Variants in TJP3 observed in about 807,000 individuals in gnomAD.
The protein encoded by TJP3 is tight junction protein ZO-3.
Under a neutral mutation model 104.2 loss-of-function variants are expected in TJP3, and 85 were observed. The observed-to-expected ratio is 0.82, with a 90% CI of 0.68 to 0.98. The LOEUF is 0.98. Ranked by LOEUF, TJP3 falls within the 50% of genes least tolerant of loss-of-function variation. The probability of loss-of-function intolerance (pLI) is 0.00; values close to 1 mark genes in which losing one functional copy is unlikely to be tolerated. For missense variants in TJP3, 1,367 were observed against 1,322.8 expected (o/e 1.03, Z -0.52); for synonymous variants, 550 against 550.6 (o/e 1.00, Z 0.02).
At chr19:3,718,244 TGTGTGTGTGTGTCTG>T (rs2036507294) in intron 1 of TJP3, among the ~76,000 whole-genome samples, 1 of 92,038 alleles carries the variant, frequency 1.1e-5, no homozygotes, top group Admixed American at 1.4e-4. Context: ...TGTGTGTGTG[TGTGTGTGTGTGTCTG>T]TGTGTGTGTA....
At chr19:3,713,990 G>T (rs1034761967) in intron 1 of TJP3, among the ~76,000 whole-genome samples, 3 of 151,010 alleles carry the variant, frequency 2.0e-5, no homozygotes, top group African/African-American at 7.3e-5. Flanking sequence ...CTCCCAAAGT[G>T]CTGGGATTAC....
rs572949101 is a variant in TJP3, at chr19:3,712,085, G to A, written c.-10+3524G>A. Among the ~76,000 whole-genome samples the A allele has an allele frequency of 1.7e-4, 26 of 152,200 alleles. No individual in the cohort carries two copies. In the East Asian group the frequency reaches 2.9e-3, roughly 17 times the overall value. ...AATCCCAGCATTTTGGGAGGCCAAG[G>A]CAGGTGGGTCACTTGAGCCCAGGAG... On this transcript the variant is annotated intron_variant, in intron 1 of 20. Coordinates refer to ENST00000541714, the MANE Select transcript of TJP3 (RefSeq NM_001267560.2).
At chr19:3,736,735 C>T (rs959359360) in intron 11 of TJP3, among the ~76,000 whole-genome samples, 5 of 151,910 alleles carry the variant, frequency 3.3e-5, no homozygotes, top group East Asian at 1.9e-4. Context: ...CCACCACGCC[C>T]GGCTAATTTT....
intron 1 of TJP3, among the ~76,000 whole-genome samples, chr19:3,717,114 T>G (rs186493656): frequency 0.011 from 1,604 of 146,518 alleles, 64 homozygotes; most frequent in African/African-American, 0.035. Flanking sequence ...TACAGGCATG[T>G]GCCACCACAC....
At position 3,750,480 on chromosome 19, in the gene TJP3, T is replaced by G. The variant is rs1236751358; in HGVS notation, c.2658-102T>G. 5.9e-6 allele frequency: 6 copies of G among 1,022,302 alleles called. No homozygotes were observed. The East Asian group carries it at 1.6e-4, about 27-fold the overall frequency. 63.3% of individuals were successfully genotyped at this position (1,022,302 alleles called of 1,614,324 possible). A position where few individuals can be genotyped will look rare whatever the true frequency, so the allele number is the denominator to read the frequency against. Reference sequence around the variant, plus strand: ...CCATGAATGCCCAGATGTGCTTATCTCTGCCCACACCCACTGTGCCTAGCA... The same window carrying G: ...CCATGAATGCCCAGATGTGCTTATCGCTGCCCACACCCACTGTGCCTAGCA... On this transcript the variant is annotated intron_variant, in intron 20 of 20. Coordinates refer to ENST00000541714, the MANE Select transcript of TJP3 (RefSeq NM_001267560.2).
chr19:3,724,352 C>T (rs973045478), intron 1 of TJP3, among the ~76,000 whole-genome samples: 11 of 152,164 alleles, frequency 7.2e-5, no homozygotes, highest in East Asian at 5.8e-4. Flanking sequence ...CCGGCCACCA[C>T]GCCCTGCTAA....
At position 3,745,604 on chromosome 19, in the gene TJP3, TA is replaced by T. The variant is rs1170549205; in HGVS notation, c.1940-406del. Reference sequence around the variant, plus strand: ...CTCCTCTCAGGTCCTAGAAGACAGATAGGGGCAAGAGTGGAGTTTCCTGTGG... The same window carrying T: ...CTCCTCTCAGGTCCTAGAAGACAGATGGGGCAAGAGTGGAGTTTCCTGTGG... On this transcript the variant is annotated intron_variant, in intron 15 of 20. Transcript: ENST00000541714. 2.0e-5 allele frequency among the ~76,000 whole-genome samples: 3 copies of T among 152,276 alleles called. No homozygotes were observed. In the East Asian group the frequency reaches 5.8e-4, roughly 29 times the overall value.
chr19:3,743,328 C>T (rs1240447916), intron 14 of TJP3, among the ~76,000 whole-genome samples: 1 of 152,014 alleles, frequency 6.6e-6, no homozygotes, highest in Non-Finnish European at 1.5e-5. Context: ...TTGCAAAGAC[C>T]CTGGGCTACC....
chr19:3,750,383 G>A (rs901689848), intron 20 of TJP3, among the ~76,000 whole-genome samples, 199 bp downstream of exon 20: 1 of 152,118 alleles, frequency 6.6e-6, no homozygotes, highest in African/African-American at 2.4e-5. Context: ...GGCCTAGGAA[G>A]GCTTCTTGAA....
At chr19:3,723,807 AAAT>A (rs1223611461) in intron 1 of TJP3, among the ~76,000 whole-genome samples, 1,703 of 92,794 alleles carry the variant, frequency 0.018, 10 homozygotes, top group Middle Eastern at 0.048. Flanking sequence ...GAAAAAAAAA[AAAT>A]ATATATATAT....
At chr19:3,722,471 G>A (rs1010372114) in intron 1 of TJP3, among the ~76,000 whole-genome samples, 1 of 151,422 alleles carries the variant, frequency 6.6e-6, no homozygotes, top group Non-Finnish European at 1.5e-5. Context: ...CTGCACGAGG[G>A]AGCACCAGCA....
At chr19:3,750,259 A>T in intron 20 of TJP3, 75 bp downstream of exon 20, 1 of 1,589,958 alleles carries the variant, frequency 6.3e-7, no homozygotes, top group Non-Finnish European at 8.6e-7. Flanking sequence ...TCAGATCTAG[A>T]TCCAAGCTAT....
rs1310813081 is a variant in TJP3, at chr19:3,733,632, G to A, written c.718-121G>A. On this transcript the variant is annotated intron_variant, in intron 6 of 20. Transcript: ENST00000541714. ...CAATTCAACACTTTCCTTAGGGAGT[G>A]GCTGTTTTTAGCAACCTCTGGGGGA... The A allele has an allele frequency of 3.7e-6, 5 of 1,345,594 alleles. No individual in the cohort carries two copies. The African/African-American group carries it at 5.8e-5, about 16-fold the overall frequency. 83.4% of individuals were successfully genotyped at this position (1,345,594 alleles called of 1,614,324 possible). A position where few individuals can be genotyped will look rare whatever the true frequency, so the allele number is the denominator to read the frequency against.
chr19:3,748,727 C>T (rs931253350), intron 19 of TJP3, among the ~76,000 whole-genome samples: 1 of 150,628 alleles, frequency 6.6e-6, no homozygotes, highest in Non-Finnish European at 1.5e-5. Flanking sequence ...CACCACCATG[C>T]CTGGCTGATT....
intron 8 of TJP3, among the ~76,000 whole-genome samples, chr19:3,735,010 G>A (rs1008630499): frequency 4.6e-5 from 7 of 151,978 alleles, no homozygotes; most frequent in Admixed American, 3.9e-4. Context: ...ACTGAGTCAT[G>A]TGAGACTGGC....
intron 8 of TJP3, among the ~76,000 whole-genome samples, chr19:3,735,195 T>TTATA (rs2036722643): frequency 6.6e-6 from 1 of 151,810 alleles, no homozygotes. Context: ...TTTATTTTGT[T>TTATA]TATTTATTTA....
intron 14 of TJP3, among the ~76,000 whole-genome samples, chr19:3,743,337 C>T (rs2036847213): frequency 1.3e-5 from 2 of 152,126 alleles, no homozygotes; most frequent in Non-Finnish European, 2.9e-5. Context: ...CCCTGGGCTA[C>T]CACTTTTCTC....
chr19:3,727,959 G>C (rs1193309007), intron 1 of TJP3, among the ~76,000 whole-genome samples: 1 of 150,300 alleles, frequency 6.7e-6, no homozygotes, highest in African/African-American at 2.5e-5. Context: ...ACAAAACAAG[G>C]CTGGGCACAG....
In TJP3 at chr19:3,726,593, G is replaced by T. The variant is rs957455622; in HGVS notation, c.-9-1831G>T. ...CAGCCTCAGCAACAGAGTTTTTTTT[G>T]TTTTTTTTTTTTCTAAGTGGGAAAG... On this transcript the variant is annotated intron_variant, in intron 1 of 20. Coordinates refer to ENST00000541714, the MANE Select transcript of TJP3 (RefSeq NM_001267560.2). 3.6e-4 allele frequency among the ~76,000 whole-genome samples: 52 copies of T among 145,070 alleles called. No individual in the cohort carries two copies. The East Asian group carries it at 4.3e-3, about 12-fold the overall frequency.
Sources: allele counts gnomAD v4.1 joint callset (sites outside exome capture counted in the v4.1 genomes callset), GRCh38; gene constraint gnomAD v4.1.1; transcripts MANE v1.5; gene names NCBI Gene and HGNC (gene_info 2026-07-23, HGNC 2026-07-21).